Variants in LIN28B observed in about 807,000 individuals in gnomAD.
LIN28B encodes lin-28 RNA binding posttranscriptional regulator B.
A neutral mutation model predicts 21.9 loss-of-function variants in LIN28B; 5 were observed. The ratio of observed to expected loss-of-function variants is 0.23; its 90% CI spans 0.12 to 0.48. The LOEUF (loss-of-function observed/expected upper bound fraction) is 0.48, where lower values mean the gene tolerates loss of function less well. Ranked by LOEUF, LIN28B falls within the 20% of genes least tolerant of loss-of-function variation. The probability of loss-of-function intolerance (pLI) is 0.98; values close to 1 mark genes in which losing one functional copy is unlikely to be tolerated. For synonymous variants in LIN28B, 109 were observed against 111.3 expected, an observed-to-expected ratio of 0.98 and a Z score of 0.13; for missense variants, 245 against 310.5, an observed-to-expected ratio of 0.79 and a Z score of 1.58.
chr6:105,003,509 A>AT (rs975479800), intron 2 of LIN28B, among the ~76,000 whole-genome samples: 6 of 151,130 alleles, frequency 4.0e-5, no homozygotes, highest in East Asian at 2.0e-4. Flanking sequence ...TGCCTTACTG[A>AT]TTTTTTTTTC....
At chr6:104,981,997 G>GAT (rs887677608) in intron 2 of LIN28B, among the ~76,000 whole-genome samples, 7 of 152,154 alleles carry the variant, frequency 4.6e-5, no homozygotes, top group African/African-American at 1.4e-4. Flanking sequence ...AGTGATGATA[G>GAT]ATACAGCAGG....
chr6:105,018,276 A>G (rs768297038), intron 2 of LIN28B, among the ~76,000 whole-genome samples: 21 of 152,122 alleles, frequency 1.4e-4, no homozygotes, highest in Non-Finnish European at 2.6e-4. Flanking sequence ...AAAGAGTGAG[A>G]CCCTTACTCT....
rs565489611 is a variant in LIN28B, at chr6:104,966,394, G to A, written c.198+8108G>A. The stretch of plus-strand genomic sequence containing the variant: ...AATTTAAAAACTGTAACAATCTCAG[G>A]TTTTAGTTTTTATCTTTTTTTCAAG... On this transcript the variant is annotated intron_variant, in intron 2 of 3. Coordinates refer to ENST00000345080, the MANE Select transcript of LIN28B (RefSeq NM_001004317.4). 1.3e-4 allele frequency among the ~76,000 whole-genome samples: 19 copies of A among 151,960 alleles called. No homozygotes were observed. In the East Asian group the frequency reaches 3.1e-3, roughly 25 times the overall value.
chr6:105,000,251 C>T (rs1210332804), intron 2 of LIN28B, among the ~76,000 whole-genome samples: 2 of 151,958 alleles, frequency 1.3e-5, no homozygotes, highest in African/African-American at 2.4e-5. Flanking sequence ...TTTAAAAAAA[C>T]AGTTATATCT....
At chr6:105,040,550 TACAC>T (rs1490021585) in intron 3 of LIN28B, among the ~76,000 whole-genome samples, 2 of 151,986 alleles carry the variant, frequency 1.3e-5, no homozygotes, top group African/African-American at 4.8e-5. Context: ...ATATTATAAA[TACAC>T]ACAAATACAC....
intron 2 of LIN28B, among the ~76,000 whole-genome samples, chr6:104,973,883 G>A (rs1770028186): frequency 6.6e-6 from 1 of 152,136 alleles, no homozygotes; most frequent in Non-Finnish European, 1.5e-5. Context: ...CAACATTGAA[G>A]AAGAAAGAGT....
At chr6:105,072,316 T>C (rs964988712) in intron 3 of LIN28B, among the ~76,000 whole-genome samples, 2 of 152,116 alleles carry the variant, frequency 1.3e-5, no homozygotes, top group Non-Finnish European at 2.9e-5. Context: ...GCTTTGGGGG[T>C]GGATTAAATT....
chr6:105,009,407 T>G (rs756967963), intron 2 of LIN28B, among the ~76,000 whole-genome samples: 4 of 152,188 alleles, frequency 2.6e-5, no homozygotes, highest in Non-Finnish European at 4.4e-5. Flanking sequence ...AATCACTCTT[T>G]CAGATGATGG....
At chr6:104,978,682 T>C (rs1365112053) in intron 2 of LIN28B, among the ~76,000 whole-genome samples, 2 of 152,118 alleles carry the variant, frequency 1.3e-5, no homozygotes, top group Admixed American at 1.3e-4. Flanking sequence ...TAAGTGGGAC[T>C]AACCACACAA....
At chr6:105,008,471 C>T (rs1770859748) in intron 2 of LIN28B, among the ~76,000 whole-genome samples, 2 of 151,944 alleles carry the variant, frequency 1.3e-5, no homozygotes, top group African/African-American at 2.4e-5. Flanking sequence ...AGTGAAACCC[C>T]GTCTCTATTA....
chr6:105,007,831 G>T (rs1770847373), intron 2 of LIN28B, among the ~76,000 whole-genome samples: 1 of 151,556 alleles, frequency 6.6e-6, no homozygotes, highest in Non-Finnish European at 1.5e-5. Flanking sequence ...AAAGTAGAGA[G>T]AAGGGTCTCA....
chr6:104,981,460 T>G (rs1770223773), intron 2 of LIN28B, among the ~76,000 whole-genome samples: 1 of 152,240 alleles, frequency 6.6e-6, no homozygotes, highest in African/African-American at 2.4e-5. Flanking sequence ...TACCCATGGC[T>G]GCTTACATCT....
chr6:104,948,512 T>C (rs1778184232), intron 2 of LIN28B, among the ~76,000 whole-genome samples: 1 of 152,200 alleles, frequency 6.6e-6, no homozygotes, highest in African/African-American at 2.4e-5. Flanking sequence ...ATGTATAAAA[T>C]GTCAGTGGCT....
intron 2 of LIN28B, among the ~76,000 whole-genome samples, chr6:105,009,494 C>T (rs1770880517): frequency 6.6e-6 from 1 of 151,988 alleles, no homozygotes; most frequent in Non-Finnish European, 1.5e-5. Flanking sequence ...TTAGGTAAAG[C>T]CAAAGATAAG....
chr6:105,061,966 A>G lies in LIN28B; in HGVS notation c.384-16448A>G, dbSNP rs528774412. Among the ~76,000 whole-genome samples, 9 of 152,220 alleles carry G rather than the reference A, an allele frequency of 5.9e-5. No individual in the cohort carries two copies. The South Asian group carries it at 1.9e-3, about 32-fold the overall frequency. On this transcript the variant is annotated intron_variant, in intron 3 of 3. Coordinates refer to ENST00000345080, the MANE Select transcript of LIN28B (RefSeq NM_001004317.4). ...GTCTTCGTTTCCATTTTCTTTTCCAAGCCAGCCAACTTGCCTTCCTAAACA... is the reference window on the plus strand; with the variant it reads ...GTCTTCGTTTCCATTTTCTTTTCCAGGCCAGCCAACTTGCCTTCCTAAACA...
At chr6:104,966,671 G>A (rs981507552) in intron 2 of LIN28B, among the ~76,000 whole-genome samples, 2 of 149,860 alleles carry the variant, frequency 1.3e-5, no homozygotes, top group African/African-American at 2.5e-5. Context: ...GCCCAGGCTG[G>A]AGTGCAGTGG....
intron 2 of LIN28B, among the ~76,000 whole-genome samples, chr6:104,986,443 G>A (rs750519482): frequency 4.7e-5 from 7 of 150,072 alleles, no homozygotes; most frequent in Non-Finnish European, 7.4e-5. Flanking sequence ...GTAGTTTTAA[G>A]TTCTCCAATC....
intron 2 of LIN28B, among the ~76,000 whole-genome samples, chr6:104,989,779 A>G (rs949225362): frequency 6.6e-6 from 1 of 151,550 alleles, no homozygotes; most frequent in Admixed American, 6.6e-5. Context: ...TTTAGTAGAG[A>G]TGGAATTTCA....
chr6:104,975,355 A>G (rs530710447), intron 2 of LIN28B, among the ~76,000 whole-genome samples: 3 of 152,166 alleles, frequency 2.0e-5, no homozygotes, highest in Non-Finnish European at 4.4e-5. Context: ...ATTTGTAGTT[A>G]TTTTATAGTT....
Sources: allele counts gnomAD v4.1 joint callset (sites outside exome capture counted in the v4.1 genomes callset), GRCh38; gene constraint gnomAD v4.1.1; transcripts MANE v1.5; gene names NCBI Gene and HGNC (gene_info 2026-07-23, HGNC 2026-07-21).